The following WBP4 variants were observed in gnomAD, a reference collection of about 807,000 sequenced individuals.
WBP4 encodes WW domain-binding protein 4.
Under a neutral mutation model 55.4 loss-of-function variants are expected in WBP4, and 37 were observed. The observed-to-expected ratio is 0.67, with a 90% CI of 0.51 to 0.88. The LOEUF (loss-of-function observed/expected upper bound fraction) is 0.88, where lower values mean the gene tolerates loss of function less well. Ranked by LOEUF, WBP4 falls within the 40% of genes least tolerant of loss-of-function variation. The pLI is 0.00. For synonymous variants in WBP4, 142 were observed against 140.2 expected (o/e 1.01, Z -0.09); for missense variants, 398 against 420.8 (o/e 0.95, Z 0.47).
At chr13:41,073,901 C>A (rs963591498) in intron 7 of WBP4, among the ~76,000 whole-genome samples, 1 of 151,564 alleles carries the variant, frequency 6.6e-6, no homozygotes, top group African/African-American at 2.4e-5. Context: ...TAAATACTTA[C>A]GAAGCATGCA....
In WBP4 at chr13:41,065,289, T is replaced by TAAAAAAA. The variant is rs58699334; in HGVS notation, c.262+17_262+23dup. On this transcript the variant is annotated splice_region_variant and intron_variant, in intron 4 of 9. Transcript: ENST00000379487. ...TGAAAAGACTTGGCTTAGAGTCAGG[T>TAAAAAAA]AAAAAAAAAAAAAAAAAAAAAGCAG... is the stretch of plus-strand genomic sequence containing the variant. 2.1e-5 allele frequency: 27 copies of TAAAAAAA among 1,263,960 alleles called. 1 individual carries two copies. Among genetic ancestry groups the TAAAAAAA allele is most frequent in the Admixed American group, 1.3e-4 (3 of 23,218 alleles). The allele number at this position is 1,263,960 out of a possible 1,614,324, so 78.3% of individuals were successfully genotyped here. A position where few individuals can be genotyped will look rare whatever the true frequency, so the allele number is the denominator to read the frequency against.
chr13:41,064,574 G>T (rs1222601081), intron 2 of WBP4, among the ~76,000 whole-genome samples: 1 of 152,096 alleles, frequency 6.6e-6, no homozygotes, highest in African/African-American at 2.4e-5. Flanking sequence ...CTAAATTTAA[G>T]GAATAAAGCA....
At chr13:41,062,797 A>ATC in intron 2 of WBP4, 81 bp downstream of exon 2, 5 of 1,344,218 alleles carry the variant, frequency 3.7e-6, no homozygotes, top group Non-Finnish European at 5.2e-6. Flanking sequence ...CTCAGTTTAC[A>ATC]AAGCACTTTT....
intron 9 of WBP4, 149 bp downstream of exon 9, chr13:41,080,958 G>A: frequency 1.2e-6 from 1 of 843,148 alleles, no homozygotes; most frequent in East Asian, 2.7e-5. Flanking sequence ...CCAGCACTTT[G>A]GGAGGCTGAG....
At chr13:41,081,928 T>C (rs1448123369) in intron 9 of WBP4, among the ~76,000 whole-genome samples, 8 of 152,260 alleles carry the variant, frequency 5.3e-5, no homozygotes, top group African/African-American at 1.9e-4. Context: ...ATAACGATCT[T>C]TCCGGTCCAT....
intron 4 of WBP4, among the ~76,000 whole-genome samples, 173 bp from the exon 5 acceptor site, chr13:41,068,388 A>G (rs117133424): frequency 1.3e-5 from 2 of 152,126 alleles, no homozygotes; most frequent in African/African-American, 2.4e-5. Context: ...TCTTTTTATT[A>G]CAGTTTTCCT....
At position 41,073,372 on chromosome 13, in the gene WBP4, G is replaced by A. The variant is rs182759524; in HGVS notation, c.562+515G>A. On this transcript the variant is annotated intron_variant, in intron 7 of 9. Coordinates refer to ENST00000379487, the MANE Select transcript of WBP4 (RefSeq NM_007187.5). The stretch of plus-strand genomic sequence containing the variant: ...TCTGTTAAATACAAACAAATTAGCC[G>A]GGTGTGGTGGCACATGCCTGTAATC... 2.4e-3 allele frequency among the ~76,000 whole-genome samples: 367 copies of A among 152,100 alleles called. 5 individuals are homozygous for A. In the East Asian group the frequency reaches 0.04, roughly 16 times the overall value.
intron 7 of WBP4, among the ~76,000 whole-genome samples, chr13:41,074,864 G>A (rs867001680): frequency 1.4e-4 from 21 of 152,184 alleles, no homozygotes; most frequent in East Asian, 5.8e-4. Context: ...GCGTGGTGGC[G>A]CTTGCCTGTG....
At chr13:41,076,922 G>A (rs1878519201) in intron 8 of WBP4, among the ~76,000 whole-genome samples, 1 of 152,180 alleles carries the variant, frequency 6.6e-6, no homozygotes, top group Non-Finnish European at 1.5e-5. Context: ...ATCTCACAAT[G>A]ATTATAGCCA....
rs1279441038 is a variant in WBP4 at position 41,082,926 on chromosome 13, C to CT, written c.*17dup. On this transcript the variant is annotated 3_prime_UTR_variant, in exon 10 of 10. Coordinates refer to ENST00000379487, the MANE Select transcript of WBP4 (RefSeq NM_007187.5). ...GTGATGATCAATAGTTGCAGGAGAG[C>CT]TTTTTGTACATGCTTTTAGGACAGA... 1.1e-5 allele frequency: 18 copies of CT among 1,613,040 alleles called. No homozygotes were observed. Among genetic ancestry groups the CT allele is most frequent in the Non-Finnish European group, 1.4e-5 (16 of 1,179,458 alleles).
chr13:41,068,712 T>C lies in WBP4; in HGVS notation c.414T>C (p.His138=). Residue 138 remains histidine, a synonymous_variant, in exon 5 of 10, where the codon CAT becomes CAC. Transcript: ENST00000379487. Reference sequence around the variant, plus strand: ...AAGGCATAACCTCTGAGGGTTACCATTACTATTATGATCTTATCTCAGGAG... The same window carrying C: ...AAGGCATAACCTCTGAGGGTTACCACTACTATTATGATCTTATCTCAGGAG... ...WVEGITSEGY[H]YYYDLISGAS... The C allele has an allele frequency of 6.2e-7, 1 of 1,608,208 alleles. No individual in the cohort carries two copies. Among genetic ancestry groups the C allele is most frequent in the Non-Finnish European group, 8.5e-7 (1 of 1,177,954 alleles).
In WBP4 at chr13:41,083,442, T is replaced by G. The variant is rs1274108266; in HGVS notation, c.*528T>G. 1 of 156,054 alleles carries G rather than the reference T, an allele frequency of 6.4e-6. No individual in the cohort carries two copies. Among genetic ancestry groups the G allele is most frequent in the Non-Finnish European group, 1.4e-5 (1 of 70,518 alleles). 9.7% of individuals were successfully genotyped at this position (156,054 alleles called of 1,614,324 possible). Reference sequence around the variant, plus strand: ...TCAAAAGCCAACAGCCAGGAGCAGCTCAGGTACTTCAGATGTGCTTAATAT... The same window carrying G: ...TCAAAAGCCAACAGCCAGGAGCAGCGCAGGTACTTCAGATGTGCTTAATAT... On this transcript the variant is annotated 3_prime_UTR_variant, in exon 10 of 10. Transcript: ENST00000379487.
intron 1 of WBP4, chr13:41,062,185 C>G (rs1329862400): frequency 2.1e-6 from 2 of 956,138 alleles, no homozygotes; most frequent in African/African-American, 4.1e-5. Context: ...GGCTCAAGAA[C>G]AGTTTGTTTT....
intron 3 of WBP4, 31 bp downstream of exon 3, chr13:41,065,109 CTA>C: frequency 1.3e-6 from 2 of 1,599,266 alleles, no homozygotes; most frequent in Non-Finnish European, 1.7e-6. Flanking sequence ...GCTAATTTTT[CTA>C]TGCAAATGTC....
intron 1 of WBP4, among the ~76,000 whole-genome samples, chr13:41,061,957 GCT>G (rs1272844597): frequency 4.6e-5 from 7 of 152,200 alleles, no homozygotes; most frequent in South Asian, 4.1e-4. Flanking sequence ...GCGACGCAGT[GCT>G]CTCTCTACGA....
chr13:41,075,816 C>T (rs1878454918), intron 7 of WBP4, among the ~76,000 whole-genome samples: 1 of 151,980 alleles, frequency 6.6e-6, no homozygotes, highest in African/African-American at 2.4e-5. Flanking sequence ...TCTCTCATTC[C>T]ATTGGAGTTA....
intron 5 of WBP4, among the ~76,000 whole-genome samples, chr13:41,069,489 C>A (rs1254266584): frequency 1.3e-5 from 2 of 151,924 alleles, no homozygotes; most frequent in Non-Finnish European, 1.5e-5. Context: ...GGTGAAACCC[C>A]GTCTCTACTG....
In WBP4 at chr13:41,064,920, TTTAA is replaced by T. The variant is rs1162272159; in HGVS notation, c.76-93_76-90del. The stretch of plus-strand genomic sequence containing the variant: ...CATCTTTTCTGCCATTCATTTTAAT[TTTAA>T]TTTTCTCATGTTTATGAGAAAATTA... On this transcript the variant is annotated intron_variant, in intron 2 of 9. Coordinates refer to ENST00000379487, the MANE Select transcript of WBP4 (RefSeq NM_007187.5). 6.0e-6 allele frequency: 7 copies of T among 1,165,852 alleles called. No individual in the cohort carries two copies. In the Admixed American group the frequency reaches 9.4e-5, roughly 16 times the overall value. 72.2% of individuals were successfully genotyped at this position (1,165,852 alleles called of 1,614,324 possible).
intron 4 of WBP4, 74 bp from the exon 5 acceptor site, chr13:41,068,487 A>G: frequency 2.2e-6 from 3 of 1,383,730 alleles, no homozygotes; most frequent in Non-Finnish European, 2.9e-6. Flanking sequence ...TTGGAATAAC[A>G]TTAATGTTTT....
Sources: gnomAD v4.1 joint callset for allele counts (sites outside exome capture counted in the v4.1 genomes callset) on GRCh38, gnomAD v4.1.1 for gene constraint, MANE v1.5 for transcripts, NCBI Gene and HGNC (gene_info 2026-07-23, HGNC 2026-07-21) for gene names.